The following TASP1 variants were observed in gnomAD, a reference collection of about 807,000 sequenced individuals.
TASP1 encodes the protein threonine aspartase 1.
A neutral mutation model predicts 56.6 loss-of-function variants in TASP1; 16 were observed. The observed-to-expected ratio is 0.28, with a 90% CI of 0.19 to 0.43. The LOEUF is 0.43. Among genes scored for constraint, TASP1 ranks in the 20% least tolerant of loss-of-function variants. The pLI, the probability that TASP1 is intolerant of heterozygous loss-of-function variation, is 1.00. For missense variants in TASP1, 393 were observed against 511.6 expected, an observed-to-expected ratio of 0.77 and a Z score of 2.24; for synonymous variants, 179 against 184.2, an observed-to-expected ratio of 0.97 and a Z score of 0.23.
chr20:13,107,674 C>A, the TASP1 span, among the ~76,000 whole-genome samples: 1 of 152,006 alleles, frequency 6.6e-6, no homozygotes, highest in African/African-American at 2.4e-5. Flanking sequence ...TTCACGGGTC[C>A]TTACGATCTT....
chr20:13,109,033 A>G, the TASP1 span, among the ~76,000 whole-genome samples: 1 of 152,216 alleles, frequency 6.6e-6, no homozygotes, highest in Non-Finnish European at 1.5e-5. Flanking sequence ...AAATATGCCC[A>G]TAAACCTCGG....
At chr20:13,403,611 C>T (rs61612076) in intron 13 of TASP1, among the ~76,000 whole-genome samples, 13,318 of 152,232 alleles carry the variant, frequency 0.087, 1,069 homozygotes, top group African/African-American at 0.22. Flanking sequence ...GCAGGGACTC[C>T]AGGATTGAAA....
rs2048589567 is a variant in TASP1 at position 13,618,216 on chromosome 20, C to G, written c.282+5230G>C. On this transcript the variant is annotated intron_variant, in intron 4 of 13. Transcript: ENST00000337743. ...CTTGAGGCCAGGAGTTCGAGACCAG[C>G]CTGGGAAACATGGCAAAACCCCATC... is the stretch of plus-strand genomic sequence containing the variant. 2.0e-5 allele frequency among the ~76,000 whole-genome samples: 3 copies of G among 151,994 alleles called. No homozygotes were observed. In the South Asian group the frequency reaches 6.2e-4, roughly 32 times the overall value.
the TASP1 span, chr20:13,166,343 G>A: frequency 1.3e-5 from 2 of 152,602 alleles, no homozygotes; most frequent in African/African-American, 4.8e-5. Context: ...AGGAAAAAAA[G>A]TGATCAGCAT....
At chr20:13,345,031 C>G in the TASP1 span, among the ~76,000 whole-genome samples, 1 of 152,174 alleles carries the variant, frequency 6.6e-6, no homozygotes, top group Non-Finnish European at 1.5e-5. Context: ...CCAGCCTCCT[C>G]ATGCACATTT....
At chr20:13,606,440 C>T (rs986146125) in intron 4 of TASP1, among the ~76,000 whole-genome samples, 9 of 152,018 alleles carry the variant, frequency 5.9e-5, no homozygotes, top group Non-Finnish European at 1.2e-4. Flanking sequence ...TGGCACTTTC[C>T]GCTACCTGAC....
chr20:13,294,489 A>G, the TASP1 span, among the ~76,000 whole-genome samples: 1 of 152,238 alleles, frequency 6.6e-6, no homozygotes, highest in Non-Finnish European at 1.5e-5. Flanking sequence ...CCCCACAGGC[A>G]GGCAGCATCT....
At chr20:13,237,691 T>C in the TASP1 span, 1 of 152,196 alleles carries the variant, frequency 6.6e-6, no homozygotes, top group Non-Finnish European at 1.5e-5. Flanking sequence ...TGTGTATATT[T>C]CTGTAGGAAT....
chr20:13,160,209 TG>T, the TASP1 span: 111 of 1,473,768 alleles, frequency 7.5e-5, 1 homozygote, highest in South Asian at 1.5e-3. Flanking sequence ...TGAGACAGCT[TG>T]GGGTTCTCTG....
intron 1 of TASP1, among the ~76,000 whole-genome samples, chr20:13,636,591 T>C (rs777516714): frequency 1.3e-5 from 2 of 152,076 alleles, no homozygotes; most frequent in Non-Finnish European, 2.9e-5. Context: ...AATAACTAAA[T>C]AGAGAAAAGG....
chr20:13,392,914 G>T, intron 13 of TASP1: 1 of 638,872 alleles, frequency 1.6e-6, no homozygotes, highest in African/African-American at 1.8e-5. Flanking sequence ...TCAGGAGTGA[G>T]ATCCCACCAA....
chr20:13,139,432 G>A, the TASP1 span, among the ~76,000 whole-genome samples: 18 of 152,154 alleles, frequency 1.2e-4, no homozygotes, highest in African/African-American at 4.3e-4. Flanking sequence ...TGGTGTTTCT[G>A]TTGGGCAAGA....
At chr20:13,508,777 C>T (rs1296112986) in intron 10 of TASP1, among the ~76,000 whole-genome samples, 1 of 152,056 alleles carries the variant, frequency 6.6e-6, no homozygotes, top group Non-Finnish European at 1.5e-5. Context: ...CAAATCAAAA[C>T]CACAATGAGG....
rs567309887 is a variant in TASP1 at position 13,518,973 on chromosome 20, C to T, written c.874+9460G>A. On this transcript the variant is annotated intron_variant, in intron 10 of 13. Coordinates refer to ENST00000337743, the MANE Select transcript of TASP1 (RefSeq NM_017714.3). ...TAACAAATAAAATGTGGTACATATA[C>T]ACCATAGAACACTACACAGCCACAG... Among the ~76,000 whole-genome samples the T allele has an allele frequency of 4.6e-5, 7 of 152,214 alleles. No individual in the cohort carries two copies. The South Asian group carries it at 1.5e-3, about 32-fold the overall frequency.
At chr20:13,309,334 T>C in the TASP1 span, among the ~76,000 whole-genome samples, 2 of 151,870 alleles carry the variant, frequency 1.3e-5, no homozygotes, top group Admixed American at 1.3e-4. Context: ...TTTATGCTCA[T>C]CTCAAGAGAT....
intron 9 of TASP1, among the ~76,000 whole-genome samples, chr20:13,533,581 A>AC: frequency 6.6e-6 from 1 of 152,134 alleles, no homozygotes; most frequent in Non-Finnish European, 1.5e-5. Flanking sequence ...CAGAGGAGGG[A>AC]TGTAAAGGGC....
chr20:13,163,238 T>A, the TASP1 span, among the ~76,000 whole-genome samples: 1 of 151,924 alleles, frequency 6.6e-6, no homozygotes, highest in Non-Finnish European at 1.5e-5. Context: ...CGTAGTAGCA[T>A]GTGCCTGTAA....
the TASP1 span, among the ~76,000 whole-genome samples, chr20:13,127,001 C>G: frequency 6.6e-6 from 1 of 152,206 alleles, no homozygotes; most frequent in African/African-American, 2.4e-5. Context: ...CGTGTGTGTG[C>G]GCGCACGTGA....
chr20:13,172,649 C>T, the TASP1 span, among the ~76,000 whole-genome samples: 1 of 152,076 alleles, frequency 6.6e-6, no homozygotes, highest in Non-Finnish European at 1.5e-5. Context: ...CTTCAGAATT[C>T]ATAGGGAAAA....
Sources: allele counts gnomAD v4.1 joint callset (sites outside exome capture counted in the v4.1 genomes callset), GRCh38; gene constraint gnomAD v4.1.1; transcripts MANE v1.5; gene names NCBI Gene and HGNC (gene_info 2026-07-23, HGNC 2026-07-21).